The following NRXN1 variants were observed in gnomAD, a reference collection of about 807,000 sequenced individuals.
NRXN1 encodes neurexin-1.
NRXN1 carries 39 observed loss-of-function variants against 150.9 expected under a neutral mutation model. That is an observed-to-expected ratio of 0.26 (90% CI 0.20 to 0.34). The LOEUF is 0.34. Ranked by LOEUF, NRXN1 falls within the 10% of genes least tolerant of loss-of-function variation. The pLI is 1.00. For missense variants in NRXN1, 1,815 were observed against 1,949.9 expected (o/e 0.93, Z 1.30); for synonymous variants, 924 against 757.0 (o/e 1.22, Z -3.62).
chr2:50,237,220 T>C (rs1032702177), intron 17 of NRXN1, among the ~76,000 whole-genome samples: 1 of 152,082 alleles, frequency 6.6e-6, no homozygotes, highest in South Asian at 2.1e-4. Context: ...TAGTAGGTTA[T>C]TGTGTTTTCC....
chr2:50,418,917 C>G (rs2083757391), intron 17 of NRXN1, among the ~76,000 whole-genome samples: 1 of 151,836 alleles, frequency 6.6e-6, no homozygotes, highest in East Asian at 1.9e-4. Flanking sequence ...ATTTAAGTTA[C>G]AAAAATCTTT....
At chr2:50,454,433 TC>T (rs1394224899) in intron 17 of NRXN1, among the ~76,000 whole-genome samples, 5 of 152,060 alleles carry the variant, frequency 3.3e-5, no homozygotes, top group African/African-American at 1.2e-4. Flanking sequence ...ATCCATCATC[TC>T]CCATGATATG....
chr2:50,736,178 T>C (rs1482807215), intron 5 of NRXN1, among the ~76,000 whole-genome samples: 4 of 152,222 alleles, frequency 2.6e-5, no homozygotes, highest in Admixed American at 6.5e-5. Context: ...CATTCTACCA[T>C]AGGACCTTTG....
intron 2 of NRXN1, among the ~76,000 whole-genome samples, chr2:51,007,576 A>G (rs946585241): frequency 6.6e-6 from 1 of 151,872 alleles, no homozygotes; most frequent in African/African-American, 2.4e-5. Flanking sequence ...TTATTTTTCT[A>G]TTTTTAAATG....
intron 21 of NRXN1, among the ~76,000 whole-genome samples, chr2:50,009,460 A>G (rs891508043): frequency 1.3e-5 from 2 of 152,148 alleles, no homozygotes; most frequent in African/African-American, 4.8e-5. Flanking sequence ...GGGACACCCC[A>G]CCTTGATTTT....
At chr2:50,084,025 C>A (rs1698384417) in intron 19 of NRXN1, among the ~76,000 whole-genome samples, 2 of 152,154 alleles carry the variant, frequency 1.3e-5, no homozygotes, top group Admixed American at 6.5e-5. Context: ...TTCTCCAAGT[C>A]CCCACCAGAT....
At chr2:49,945,560 C>A (rs1672745231) in intron 21 of NRXN1, among the ~76,000 whole-genome samples, 1 of 152,012 alleles carries the variant, frequency 6.6e-6, no homozygotes, top group Non-Finnish European at 1.5e-5. Flanking sequence ...CCAACAGGCC[C>A]AAGTGTGTGA....
intron 5 of NRXN1, among the ~76,000 whole-genome samples, chr2:50,713,041 ATTGGCTC>A (rs1383182999): frequency 2.0e-5 from 3 of 152,074 alleles, no homozygotes; most frequent in African/African-American, 4.8e-5. Flanking sequence ...AGCTGAGTGT[ATTGGCTC>A]ACTCCTGTAA....
At position 49,920,866 on chromosome 2, in the gene NRXN1, A is replaced by C. The variant is rs559814511; in HGVS notation, c.*1078T>G. 1.3e-5 allele frequency: 2 copies of C among 152,752 alleles called. No individual in the cohort carries two copies. The highest frequency in any genetic ancestry group is 3.9e-4 in the East Asian group (2 of 5,188). The allele number at this position is 152,752 out of a possible 1,614,324, so 9.5% of individuals were successfully genotyped here. ...ACAAGTACTAAAACTTAATTGCAAC[A>C]GAATGAAGGCTGTACATATAAGAAA... On this transcript the variant is annotated 3_prime_UTR_variant, in exon 23 of 23. Coordinates refer to ENST00000401669, the MANE Select transcript of NRXN1 (RefSeq NM_001330078.2).
At chr2:50,734,753 C>G (rs555557687) in intron 5 of NRXN1, among the ~76,000 whole-genome samples, 1 of 151,476 alleles carries the variant, frequency 6.6e-6, no homozygotes, top group African/African-American at 2.4e-5. Flanking sequence ...ATAACCCCCC[C>G]AAAACAACAA....
chr2:50,924,052 G>A (rs1318215852), intron 3 of NRXN1, among the ~76,000 whole-genome samples: 1 of 151,772 alleles, frequency 6.6e-6, no homozygotes, highest in Non-Finnish European at 1.5e-5. Flanking sequence ...TATGCTGATA[G>A]TGGCTTATTT....
intron 2 of NRXN1, among the ~76,000 whole-genome samples, chr2:50,950,530 T>A (rs903836148): frequency 6.6e-6 from 1 of 152,294 alleles, no homozygotes; most frequent in Admixed American, 6.5e-5. Flanking sequence ...TCACGGTTTC[T>A]CACCTTTGTT....
At chr2:50,246,772 C>T (rs1353026855) in intron 17 of NRXN1, among the ~76,000 whole-genome samples, 3 of 152,028 alleles carry the variant, frequency 2.0e-5, no homozygotes, top group Non-Finnish European at 4.4e-5. Context: ...TTCATTCCAG[C>T]CAAGGTTAAT....
chr2:50,436,868 T>C (rs2085491464), intron 17 of NRXN1, among the ~76,000 whole-genome samples: 1 of 152,166 alleles, frequency 6.6e-6, no homozygotes, highest in Non-Finnish European at 1.5e-5. Context: ...CAATGGTATC[T>C]CAAAACTAGG....
intron 17 of NRXN1, among the ~76,000 whole-genome samples, chr2:50,324,260 A>G (rs2076238084): frequency 6.6e-6 from 1 of 152,224 alleles, no homozygotes; most frequent in South Asian, 2.1e-4. Context: ...ACAGAAGGCA[A>G]AATCAGCAGT....
intron 21 of NRXN1, among the ~76,000 whole-genome samples, chr2:50,052,850 T>G (rs1692942125): frequency 6.6e-6 from 1 of 152,224 alleles, no homozygotes; most frequent in Non-Finnish European, 1.5e-5. Flanking sequence ...AGTATTGTAC[T>G]ATTAAAATAT....
intron 2 of NRXN1, among the ~76,000 whole-genome samples, chr2:50,956,328 T>C (rs1692277282): frequency 1.3e-5 from 2 of 152,282 alleles, no homozygotes; most frequent in Middle Eastern, 3.4e-3. Flanking sequence ...TTTAGTACTA[T>C]CTGCAATTTC....
At chr2:50,973,797 T>C (rs1042421706) in intron 2 of NRXN1, among the ~76,000 whole-genome samples, 2 of 152,146 alleles carry the variant, frequency 1.3e-5, no homozygotes, top group Admixed American at 1.3e-4. Context: ...TAATTGTAGC[T>C]TCATATTTTT....
intron 19 of NRXN1, among the ~76,000 whole-genome samples, chr2:50,075,184 A>G (rs1409646234): frequency 6.6e-6 from 1 of 152,240 alleles, no homozygotes; most frequent in African/African-American, 2.4e-5. Context: ...AAGGACTTTG[A>G]ACCCTATTAT....
Sources: gnomAD v4.1 joint callset for allele counts (sites outside exome capture counted in the v4.1 genomes callset) on GRCh38, gnomAD v4.1.1 for gene constraint, MANE v1.5 for transcripts, NCBI Gene and HGNC (gene_info 2026-07-23, HGNC 2026-07-21) for gene names.